Variants in GRIK1 observed in about 807,000 individuals in gnomAD.
GRIK1 encodes glutamate ionotropic receptor kainate type subunit 1.
GRIK1 carries 69 observed loss-of-function variants against 105.7 expected under a neutral mutation model. That is an observed-to-expected ratio of 0.65 (90% confidence interval 0.54 to 0.80). The LOEUF (loss-of-function observed/expected upper bound fraction) is 0.80. GRIK1 is among the 30% of genes least tolerant of loss of function. The pLI, the probability that GRIK1 is intolerant of heterozygous loss-of-function variation, is 0.00. For synonymous variants in GRIK1, 438 were observed against 431.3 expected (o/e 1.02, Z -0.19); for missense variants, 1,109 against 1,167.3 (o/e 0.95, Z 0.73).
At chr21:29,806,146 T>G (rs2066858396) in intron 1 of GRIK1, among the ~76,000 whole-genome samples, 1 of 152,184 alleles carries the variant, frequency 6.6e-6, no homozygotes, top group South Asian at 2.1e-4. Flanking sequence ...TGAATAGTAT[T>G]TATGCTTATA....
At chr21:29,668,500 G>A (rs974786965) in intron 4 of GRIK1, among the ~76,000 whole-genome samples, 1 of 152,146 alleles carries the variant, frequency 6.6e-6, no homozygotes, top group Admixed American at 6.5e-5. Context: ...ATGGAGCATC[G>A]GATACTGGAG....
intron 3 of GRIK1, among the ~76,000 whole-genome samples, chr21:29,684,391 A>G (rs1409611577): frequency 3.3e-5 from 5 of 152,088 alleles, no homozygotes; most frequent in African/African-American, 1.2e-4. Context: ...CCTATCATCT[A>G]TCTAATCTAT....
intron 3 of GRIK1, among the ~76,000 whole-genome samples, chr21:29,687,856 C>G (rs363540): frequency 6.6e-6 from 1 of 152,176 alleles, no homozygotes; most frequent in Non-Finnish European, 1.5e-5. Flanking sequence ...ATTAAATCCA[C>G]GAGTTTCAAT....
At position 29,541,573 on chromosome 21, in the gene GRIK1, G is replaced by GTTTTTTTTTT. The variant is rs1202014711; in HGVS notation, c.2608-3690_2608-3689insAAAAAAAAAA. The stretch of plus-strand genomic sequence containing the variant: ...CTCTATGCCATTCATTGCACTCACG[G>GTTTTTTTTTT]TCTTTTTTTTTTTTTTTTTTTTTGT... On this transcript the variant is annotated intron_variant, in intron 16 of 17. Transcript: ENST00000327783. 8.5e-4 allele frequency among the ~76,000 whole-genome samples: 71 copies of GTTTTTTTTTT among 83,678 alleles called. 1 individual carries two copies. Among genetic ancestry groups the GTTTTTTTTTT allele is most frequent in the Middle Eastern group, 6.5e-3 (1 of 154 alleles). The allele number at this position is 83,678 out of a possible 152,430, so 54.9% of individuals were successfully genotyped here.
chr21:29,684,780 G>C (rs886101999), intron 3 of GRIK1, among the ~76,000 whole-genome samples: 9 of 151,942 alleles, frequency 5.9e-5, no homozygotes, highest in South Asian at 2.1e-4. Flanking sequence ...AAAGTGCTGG[G>C]ATTATAGGCG....
intron 1 of GRIK1, among the ~76,000 whole-genome samples, chr21:29,729,406 G>C (rs2064554109): frequency 6.6e-6 from 1 of 152,134 alleles, no homozygotes; most frequent in African/African-American, 2.4e-5. Context: ...ACTGCTCAGG[G>C]CCTTTCATTT....
intron 4 of GRIK1, among the ~76,000 whole-genome samples, chr21:29,660,157 C>T (rs1294055882): frequency 6.6e-6 from 1 of 152,196 alleles, no homozygotes; most frequent in East Asian, 1.9e-4. Context: ...CCACAGAACA[C>T]TCATGACCTT....
In GRIK1 at chr21:29,560,466, TTCCTTTCTC is replaced by T. The variant is rs796663345; in HGVS notation, c.2356+1149_2356+1157del. 2.2e-3 allele frequency among the ~76,000 whole-genome samples: 286 copies of T among 130,660 alleles called. 24 individuals are homozygous for T. Among genetic ancestry groups the T allele is most frequent in the African/African-American group, 5.6e-3 (177 of 31,374 alleles). 85.7% of individuals were successfully genotyped at this position (130,660 alleles called of 152,430 possible). The stretch of plus-strand genomic sequence containing the variant: ...TTCTTTCTCCCTTTCTTTCCTTCCT[TTCCTTTCTC>T]TCTCTCCCTTTCTTTCTTTCTTTCC... On this transcript the variant is annotated intron_variant, in intron 15 of 17. Transcript: ENST00000327783.
At chr21:29,774,896 TTAA>T in intron 1 of GRIK1, among the ~76,000 whole-genome samples, 1 of 152,356 alleles carries the variant, frequency 6.6e-6, no homozygotes, top group East Asian at 1.9e-4. Flanking sequence ...CTTGAACTTC[TTAA>T]TAATTTTTGA....
At chr21:29,713,096 T>G (rs1257943807) in intron 1 of GRIK1, among the ~76,000 whole-genome samples, 1 of 152,100 alleles carries the variant, frequency 6.6e-6, no homozygotes, top group African/African-American at 2.4e-5. Context: ...CCATCAGACT[T>G]AAAGCTCAGC....
At chr21:29,695,436 A>ATTTC (rs1555874084) in intron 1 of GRIK1, among the ~76,000 whole-genome samples, 1 of 146,632 alleles carries the variant, frequency 6.8e-6, no homozygotes, top group Non-Finnish European at 1.5e-5. Context: ...ATCTATATCA[A>ATTTC]TATCTATCTA....
chr21:29,933,068 T>C (rs2146365228), intron 1 of GRIK1, among the ~76,000 whole-genome samples: 1 of 152,226 alleles, frequency 6.6e-6, no homozygotes, highest in South Asian at 2.1e-4. Flanking sequence ...TAAGTATACC[T>C]TTTTTAAAGA....
chr21:29,642,842 A>G lies in GRIK1; in HGVS notation c.1082T>C (p.Met361Thr). 6.2e-7 allele frequency: 1 copy of G among 1,614,180 alleles called. No homozygotes were observed. The highest frequency in any genetic ancestry group is 8.5e-7 in the Non-Finnish European group (1 of 1,180,014). ...HKPWRLGPRFMNLIKEARWDG... is the reference protein window; with the variant it reads ...HKPWRLGPRFTNLIKEARWDG... ...ATCACTTGCCTCTTTGATCAGGTTC[A>G]TAAATCTGGGTCCGAGGCGCCATGG... Residue 361 changes from methionine (M) to threonine (T), a missense_variant, in exon 7 of 18, where the codon ATG becomes ACG. By Grantham distance (81) the Met-to-Thr change is moderately conservative (BLOSUM62 -1). This residue lies in a region of GRIK1 where 612 missense variants were observed against 586.0 expected (regional missense o/e 1.04). Coordinates refer to ENST00000327783, the MANE Select transcript of GRIK1 (RefSeq NM_001330994.2).
At chr21:29,807,468 C>A (rs1212538660) in intron 1 of GRIK1, among the ~76,000 whole-genome samples, 1 of 151,992 alleles carries the variant, frequency 6.6e-6, no homozygotes, top group Admixed American at 6.6e-5. Flanking sequence ...CAGATGTTTC[C>A]ATAGGGTCAG....
chr21:29,929,994 A>G (rs1397249298), intron 1 of GRIK1, among the ~76,000 whole-genome samples: 2 of 152,194 alleles, frequency 1.3e-5, no homozygotes, highest in Non-Finnish European at 2.9e-5. Context: ...ACAAAACAGA[A>G]TGAAATCCTG....
At chr21:29,625,777 G>T (rs79989290) in intron 7 of GRIK1, among the ~76,000 whole-genome samples, 4,475 of 152,246 alleles carry the variant, frequency 0.029, 108 homozygotes, top group African/African-American at 0.062. Context: ...AGCACTTCCA[G>T]CACATAGTAT....
chr21:29,629,212 GT>G (rs1473790046), intron 7 of GRIK1, among the ~76,000 whole-genome samples: 1 of 145,490 alleles, frequency 6.9e-6, no homozygotes, highest in Admixed American at 6.8e-5. Flanking sequence ...GTGTGTGTGT[GT>G]GTGTGTGTGT....
intron 13 of GRIK1, among the ~76,000 whole-genome samples, chr21:29,580,652 A>T (rs1285705731): frequency 6.6e-6 from 1 of 152,168 alleles, no homozygotes; most frequent in Non-Finnish European, 1.5e-5. Flanking sequence ...TTGTCAAATG[A>T]ACATATATTC....
chr21:29,809,059 G>C (rs1386693551), intron 1 of GRIK1, among the ~76,000 whole-genome samples: 2 of 152,056 alleles, frequency 1.3e-5, no homozygotes, highest in Non-Finnish European at 2.9e-5. Flanking sequence ...AATATGTGTT[G>C]TTTTTCCTTT....
Sources: gnomAD v4.1 joint callset for allele counts (sites outside exome capture counted in the v4.1 genomes callset) on GRCh38, gnomAD v4.1.1 for gene constraint, gnomAD v4.1.1 regional missense constraint, MANE v1.5 for transcripts, NCBI Gene and HGNC (gene_info 2026-07-23, HGNC 2026-07-21) for gene names.